ARHGEF28: variants seen among roughly 807,000 people sequenced by gnomAD.
The protein encoded by ARHGEF28 is Rho guanine nucleotide exchange factor 28, also known as 190 kDa guanine nucleotide exchange factor.
In ARHGEF28, 152 loss-of-function variants were observed where a neutral mutation model predicts 206.6. The observed-to-expected ratio is 0.74, with a 90% CI of 0.64 to 0.84. The LOEUF (loss-of-function observed/expected upper bound fraction) is 0.84. ARHGEF28 is among the 40% of genes least tolerant of loss of function. ARHGEF28 has a pLI of 0.00. For missense variants in ARHGEF28, 2,028 were observed against 2,073.2 expected (o/e 0.98, Z 0.42); for synonymous variants, 763 against 776.4 (o/e 0.98, Z 0.29).
chr5:73,796,662 T>C (rs16870874), intron 9 of ARHGEF28, among the ~76,000 whole-genome samples: 14,900 of 152,278 alleles, frequency 0.098, 1,589 homozygotes, highest in African/African-American at 0.27. Flanking sequence ...TCTTGCTGCA[T>C]GTGGCCCTAC....
chr5:73,886,156 A>G, intron 25 of ARHGEF28, 52 bp downstream of exon 25: 4 of 1,535,844 alleles, frequency 2.6e-6, no homozygotes, highest in Non-Finnish European at 3.5e-6. Flanking sequence ...TTATTCATTT[A>G]ACAGAGGACA....
At chr5:73,657,724 T>A (rs1745308438) in intron 1 of ARHGEF28, among the ~76,000 whole-genome samples, 1 of 152,200 alleles carries the variant, frequency 6.6e-6, no homozygotes, top group Admixed American at 6.5e-5. Flanking sequence ...TCCTCACTCA[T>A]CAAAGACTTA....
intron 33 of ARHGEF28, 175 bp downstream of exon 33, chr5:73,904,580 A>G (rs556552417): frequency 1.6e-6 from 1 of 632,146 alleles, no homozygotes; most frequent in East Asian, 2.8e-5. Flanking sequence ...ATCAGAGGCA[A>G]CACCATGACT....
chr5:73,683,474 C>CGA (rs1314120109), intron 1 of ARHGEF28, among the ~76,000 whole-genome samples: 1 of 151,814 alleles, frequency 6.6e-6, no homozygotes, highest in Non-Finnish European at 1.5e-5. Flanking sequence ...TCCTTTCTGT[C>CGA]TGAGTTCTTT....
intron 1 of ARHGEF28, among the ~76,000 whole-genome samples, chr5:73,670,311 C>T (rs1405971457): frequency 1.3e-5 from 2 of 152,126 alleles, no homozygotes; most frequent in African/African-American, 4.8e-5. Context: ...TCCATGTTCT[C>T]GTATGTATCA....
chr5:73,764,949 C>T lies in ARHGEF28; in HGVS notation c.476-8906C>T, dbSNP rs150665323. Among the ~76,000 whole-genome samples the T allele has an allele frequency of 9.1e-3, 1,384 of 152,186 alleles. 6 individuals carry two copies. Among genetic ancestry groups the T allele is most frequent in the Non-Finnish European group, 0.013 (880 of 67,994 alleles). On this transcript the variant is annotated intron_variant, in intron 4 of 35. Coordinates refer to ENST00000513042, the MANE Select transcript of ARHGEF28 (RefSeq NM_001177693.2). ...ACATCTTAAAGATTGTGTATGATAC[C>T]CATGCCAAATTCTCTCTTCTACTCT...
chr5:73,806,655 C>CATATACATCTATAT (rs1755505302), intron 9 of ARHGEF28, among the ~76,000 whole-genome samples: 8 of 132,730 alleles, frequency 6.0e-5, no homozygotes, highest in Non-Finnish European at 3.2e-5. Context: ...TAGTATATAT[C>CATATACATCTATAT]GTATACATCT....
At chr5:73,651,938 G>T (rs913788400) in intron 1 of ARHGEF28, among the ~76,000 whole-genome samples, 1 of 152,166 alleles carries the variant, frequency 6.6e-6, no homozygotes, top group Admixed American at 6.5e-5. Flanking sequence ...ATGCTCTGTT[G>T]TTTGTCATTG....
intron 12 of ARHGEF28, among the ~76,000 whole-genome samples, chr5:73,847,257 C>A (rs16870942): frequency 0.12 from 18,675 of 152,104 alleles, 1,551 homozygotes; most frequent in African/African-American, 0.22. Context: ...GCATGCCCTA[C>A]AATATACAAA....
At chr5:73,692,712 G>A (rs1175661229) in intron 2 of ARHGEF28, among the ~76,000 whole-genome samples, 4 of 152,320 alleles carry the variant, frequency 2.6e-5, no homozygotes, top group Admixed American at 6.5e-5. Flanking sequence ...AGGGAGGGCC[G>A]GAGGACAGGG....
rs73763107 is a variant in ARHGEF28 at position 73,752,106 on chromosome 5, C to G, written c.182-803C>G. ...AACCAGTGGTAGCTGAATAACTCTT[C>G]TCTGTCCAGTCATGATTATCATGAT... On this transcript the variant is annotated intron_variant, in intron 3 of 35. Coordinates refer to ENST00000513042, the MANE Select transcript of ARHGEF28 (RefSeq NM_001177693.2). Among the ~76,000 whole-genome samples, 365 of 152,320 alleles carry G rather than the reference C, an allele frequency of 2.4e-3. 1 individual carries two copies. The highest frequency in any genetic ancestry group is 8.3e-3 in the African/African-American group (345 of 41,568).
At chr5:73,757,396 A>G (rs765365928) in intron 4 of ARHGEF28, among the ~76,000 whole-genome samples, 9 of 148,862 alleles carry the variant, frequency 6.0e-5, no homozygotes, top group South Asian at 2.1e-4. Context: ...TCAAATATAA[A>G]TAGATCTTAC....
Position 73,927,879 on chromosome 5 carries a change from G to C in ARHGEF28, c.4949-12965G>C, listed in dbSNP as rs538323993. Among the ~76,000 whole-genome samples, 10 of 152,270 alleles carry C rather than the reference G, an allele frequency of 6.6e-5. No individual in the cohort carries two copies. In the South Asian group the frequency reaches 2.1e-3, roughly 32 times the overall value. Reference sequence around the variant, plus strand: ...TAAACGAAACACAGTCTATATGTTAGGTTGTACTTTTAAGATTATAATCAT... The same window carrying C: ...TAAACGAAACACAGTCTATATGTTACGTTGTACTTTTAAGATTATAATCAT... On this transcript the variant is annotated intron_variant, in intron 35 of 35. Transcript: ENST00000513042.
chr5:73,769,866 G>C (rs1014423582), intron 4 of ARHGEF28, among the ~76,000 whole-genome samples: 5 of 152,188 alleles, frequency 3.3e-5, no homozygotes, highest in Non-Finnish European at 7.4e-5. Flanking sequence ...TGGCAAAATT[G>C]AGTGGAAGAT....
intron 1 of ARHGEF28, among the ~76,000 whole-genome samples, chr5:73,633,797 G>C (rs941601521): frequency 6.6e-6 from 1 of 151,800 alleles, no homozygotes; most frequent in Non-Finnish European, 1.5e-5. Context: ...GGCTGGTCTC[G>C]AACTCCTGAT....
At chr5:73,699,697 G>A (rs541438910) in intron 2 of ARHGEF28, among the ~76,000 whole-genome samples, 172 of 152,262 alleles carry the variant, frequency 1.1e-3, no homozygotes, top group African/African-American at 3.8e-3. Context: ...TATAACTATC[G>A]TTTAGATTAT....
At chr5:73,739,244 T>C (rs974050625) in intron 2 of ARHGEF28, among the ~76,000 whole-genome samples, 4 of 152,172 alleles carry the variant, frequency 2.6e-5, no homozygotes, top group African/African-American at 9.7e-5. Context: ...GATGGAAAAA[T>C]GACAACCTGG....
At chr5:73,679,209 T>C (rs1170576951) in intron 1 of ARHGEF28, among the ~76,000 whole-genome samples, 1 of 152,210 alleles carries the variant, frequency 6.6e-6, no homozygotes, top group Non-Finnish European at 1.5e-5. Context: ...CTTTTGTAGG[T>C]AGCAAACTTT....
intron 22 of ARHGEF28, among the ~76,000 whole-genome samples, chr5:73,874,392 GT>G (rs1248960904): frequency 3.3e-5 from 5 of 151,830 alleles, no homozygotes; most frequent in African/African-American, 1.2e-4. Context: ...TTAGTTTCAA[GT>G]TTTTTTATTT....
Sources: allele counts gnomAD v4.1 joint callset (sites outside exome capture counted in the v4.1 genomes callset), GRCh38; gene constraint gnomAD v4.1.1; transcripts MANE v1.5; gene names NCBI Gene and HGNC (gene_info 2026-07-23, HGNC 2026-07-21).